The following IRAG2 variants were observed in gnomAD, a reference collection of about 807,000 sequenced individuals.
IRAG2 encodes inositol 1,4,5-triphosphate receptor associated 2, also known as lymphoid restricted membrane protein.
In IRAG2, 45 loss-of-function variants were observed where a neutral mutation model predicts 69.9. That is an observed-to-expected ratio of 0.64 (90% CI 0.51 to 0.83). IRAG2 has a LOEUF of 0.83. Among genes scored for constraint, IRAG2 ranks in the 40% least tolerant of loss-of-function variants. The pLI is 0.00. For synonymous variants in IRAG2, 193 were observed against 202.4 expected (o/e 0.95, Z 0.40); for missense variants, 520 against 587.0 (o/e 0.89, Z 1.18).
chr12:25,084,952 TTAGTCACCCCA>T (rs1190626620), intron 10 of IRAG2, among the ~76,000 whole-genome samples: 1 of 152,224 alleles, frequency 6.6e-6, no homozygotes, highest in Non-Finnish European at 1.5e-5. Context: ...TCTCACCTGC[TTAGTCACCCCA>T]TAGTTCAAGC....
intron 6 of IRAG2, among the ~76,000 whole-genome samples, chr12:25,070,365 T>G (rs1946262101): frequency 6.6e-6 from 1 of 152,252 alleles, no homozygotes; most frequent in Non-Finnish European, 1.5e-5. Context: ...AATGGATTCA[T>G]ACAATATATG....
chr12:25,067,975 G>T (rs977279620), intron 5 of IRAG2, among the ~76,000 whole-genome samples: 1 of 152,048 alleles, frequency 6.6e-6, no homozygotes, highest in African/African-American at 2.4e-5. Context: ...CAAGTAGCTG[G>T]GATTACAGGC....
intron 6 of IRAG2, among the ~76,000 whole-genome samples, chr12:25,018,893 T>G (rs561469602): frequency 6.6e-5 from 10 of 152,238 alleles, no homozygotes; most frequent in African/African-American, 2.4e-4. Context: ...TTCTGAAGAC[T>G]GTCTGTTTCC....
Position 25,077,310 on chromosome 12 carries a change from T to A in IRAG2, c.25-1934T>A, listed in dbSNP as rs112608108. ...TGATATATATATGAAATATATATGA[T>A]ATATATGATATATATATGATATATA... On this transcript the variant is annotated intron_variant, in intron 6 of 21. Coordinates refer to ENST00000556887, the MANE Select transcript of IRAG2 (RefSeq NM_001366544.2). Among the ~76,000 whole-genome samples the A allele has an allele frequency of 0.018, 1,032 of 57,426 alleles. 334 individuals carry two copies. The East Asian group carries it at 0.33, about 18-fold the overall frequency. The allele number at this position is 57,426 out of a possible 152,430, so 37.7% of individuals were successfully genotyped here.
Position 25,023,311 on chromosome 12 carries a change from A to T in IRAG2, c.1333-560A>T, listed in dbSNP as rs191338586. On this transcript the variant is annotated intron_variant, in intron 7 of 38. Transcript: ENST00000636465. Reference sequence around the variant, plus strand: ...TTACTTTATAAAAATAAAGAAATGCATATTAACAAATAAAAAGTTTTGCAA... The same window carrying T: ...TTACTTTATAAAAATAAAGAAATGCTTATTAACAAATAAAAAGTTTTGCAA... 2.9e-3 allele frequency among the ~76,000 whole-genome samples: 440 copies of T among 152,310 alleles called. 3 individuals are homozygous for T. Among genetic ancestry groups the T allele is most frequent in the African/African-American group, 0.01 (430 of 41,578 alleles).
At chr12:25,006,197 G>T (rs956857912) in intron 2 of IRAG2, 2 of 152,194 alleles carry the variant, frequency 1.3e-5, no homozygotes, top group Non-Finnish European at 1.5e-5. Flanking sequence ...ACACCAGTCA[G>T]AATGGGTACT....
rs1189249148 is a variant in IRAG2, at chr12:25,108,157, C to T, written c.*97C>T. 2 of 1,363,140 alleles carry T rather than the reference C, an allele frequency of 1.5e-6. No homozygotes were observed. The highest frequency in any genetic ancestry group is 2.9e-5 in the African/African-American group (2 of 69,134). The allele number at this position is 1,363,140 out of a possible 1,614,324, so 84.4% of individuals were successfully genotyped here. The stretch of plus-strand genomic sequence containing the variant: ...TTAGCTGGGAAAGTATAGCATGAAA[C>T]CAGAGGTTCTCAGAATGACTGTAAG... On this transcript the variant is annotated 3_prime_UTR_variant, in exon 22 of 22. Transcript: ENST00000556887.
chr12:25,098,622 A>G (rs1007971632), intron 15 of IRAG2, among the ~76,000 whole-genome samples: 3 of 152,240 alleles, frequency 2.0e-5, no homozygotes, highest in Non-Finnish European at 2.9e-5. Context: ...ACTCTACTGA[A>G]CCATTTCTAT....
intron 3 of IRAG2, among the ~76,000 whole-genome samples, chr12:25,014,858 C>T (rs1944508130): frequency 6.6e-6 from 1 of 151,600 alleles, no homozygotes; most frequent in African/African-American, 2.4e-5. Flanking sequence ...ATCTCCTAAT[C>T]ATACGCTGCC....
rs1220562467 is a variant in IRAG2, at chr12:25,031,780, A to G, written c.1519-362A>G. On this transcript the variant is annotated intron_variant, in intron 10 of 38. Coordinates refer to the IRAG2 transcript ENST00000636465. Reference sequence around the variant, plus strand: ...TGGATTCAAGTGATTCTCCTGCCTCAGCCTCCTGAGTAGCTGGGATTACAG... The same window carrying G: ...TGGATTCAAGTGATTCTCCTGCCTCGGCCTCCTGAGTAGCTGGGATTACAG... 3.3e-5 allele frequency among the ~76,000 whole-genome samples: 5 copies of G among 152,112 alleles called. No individual in the cohort carries two copies. The East Asian group carries it at 9.6e-4, about 29-fold the overall frequency.
intron 4 of IRAG2, among the ~76,000 whole-genome samples, chr12:25,064,564 A>G (rs1205171372): frequency 6.6e-6 from 1 of 152,262 alleles, no homozygotes; most frequent in Non-Finnish European, 1.5e-5. Flanking sequence ...GTTAAAAGCT[A>G]AAATTAACGT....
At chr12:25,081,200 C>T (rs1159334032) in intron 9 of IRAG2, among the ~76,000 whole-genome samples, 1 of 152,180 alleles carries the variant, frequency 6.6e-6, no homozygotes, top group Non-Finnish European at 1.5e-5. Context: ...TGGTGGCTCA[C>T]GCCTGTAATC....
chr12:25,068,696 G>A (rs143162519), intron 5 of IRAG2, among the ~76,000 whole-genome samples: 1 of 152,070 alleles, frequency 6.6e-6, no homozygotes, highest in Non-Finnish European at 1.5e-5. Context: ...CAGGAGCTTC[G>A]CGTCAAACAC....
intron 6 of IRAG2, among the ~76,000 whole-genome samples, chr12:25,020,089 C>A (rs1944565980): frequency 6.6e-6 from 1 of 152,174 alleles, no homozygotes; most frequent in Non-Finnish European, 1.5e-5. Context: ...GTTAAATGAT[C>A]AATGTAATTT....
intron 8 of IRAG2, chr12:25,026,678 A>G: frequency 2.3e-6 from 1 of 443,028 alleles, no homozygotes; most frequent in Non-Finnish European, 3.7e-6. Flanking sequence ...AATGGAAGAT[A>G]AAAAGGCAAT....
intron 3 of IRAG2, among the ~76,000 whole-genome samples, chr12:25,013,154 A>G (rs1363858765): frequency 6.6e-6 from 1 of 152,150 alleles, no homozygotes; most frequent in Admixed American, 6.5e-5. Flanking sequence ...TTTAAGAGCA[A>G]TTTAGGAATG....
rs778079388 is a variant in IRAG2, at chr12:25,103,797, T to C, written c.934-40T>C. ...TGGTGTTGCATATAATGATAAATTA[T>C]TGAGAGTTTTCTAAATGTACATTTT... On this transcript the variant is annotated intron_variant, in intron 17 of 21. Transcript: ENST00000556887. 27 of 1,410,062 alleles carry C rather than the reference T, an allele frequency of 1.9e-5. No homozygotes were observed. In the Middle Eastern group the frequency reaches 6.0e-4, roughly 31 times the overall value. The allele number at this position is 1,410,062 out of a possible 1,614,324, so 87.3% of individuals were successfully genotyped here. A position where few individuals can be genotyped will look rare whatever the true frequency, so the allele number is the denominator to read the frequency against.
intron 10 of IRAG2, among the ~76,000 whole-genome samples, chr12:25,084,314 C>A (rs897667305): frequency 6.6e-6 from 1 of 151,974 alleles, no homozygotes; most frequent in South Asian, 2.1e-4. Context: ...CACTTGAGCC[C>A]AGGAGTTTGA....
intron 21 of IRAG2, 58 bp from the exon 22 acceptor site, chr12:25,107,759 G>T: frequency 1.9e-6 from 3 of 1,548,360 alleles, no homozygotes; most frequent in South Asian, 2.3e-5. Flanking sequence ...GTTAGCAAAA[G>T]GAATGTTTCT....
Sources: allele counts gnomAD v4.1 joint callset (sites outside exome capture counted in the v4.1 genomes callset), GRCh38; gene constraint gnomAD v4.1.1; transcripts MANE v1.5; gene names NCBI Gene and HGNC (gene_info 2026-07-23, HGNC 2026-07-21).